The following OR56A3 variants were observed in gnomAD, a reference collection of about 807,000 sequenced individuals.
The protein encoded by OR56A3 is olfactory receptor 56A3.
OR56A3 carries 23 observed loss-of-function variants against 17.5 expected under a neutral mutation model. That is an observed-to-expected ratio of 1.32 (90% CI 0.95 to 1.87). The LOEUF (loss-of-function observed/expected upper bound fraction) is 1.87, where lower values mean the gene tolerates loss of function less well. Among genes scored for constraint, OR56A3 ranks in the 40% most tolerant of loss-of-function variants. The pLI is 0.00. For missense variants in OR56A3, 366 were observed against 380.1 expected (o/e 0.96, Z 0.31); for synonymous variants, 175 against 150.6 (o/e 1.16, Z -1.19).
At chr11:5,967,653 A>C in the OR56A3 span, 1 of 1,613,994 alleles carries the variant, frequency 6.2e-7, no homozygotes. Flanking sequence ...GTGGTGCAGG[A>C]TGTTGAGCAG....
intron 2 of OR56A3, among the ~76,000 whole-genome samples, chr11:5,946,943 T>A (rs1227289761): frequency 2.0e-5 from 3 of 152,176 alleles, no homozygotes; most frequent in Non-Finnish European, 1.5e-5. Context: ...GTAGATATGG[T>A]AGGCTATGTG....
At chr11:5,994,317 C>G in the OR56A3 span, 1 of 666,648 alleles carries the variant, frequency 1.5e-6, no homozygotes, top group African/African-American at 1.8e-5. Context: ...TGGCGGACTG[C>G]ATGTGACCAC....
the OR56A3 span, among the ~76,000 whole-genome samples, chr11:5,999,003 AT>A: frequency 6.6e-6 from 1 of 152,192 alleles, no homozygotes; most frequent in Non-Finnish European, 1.5e-5. Flanking sequence ...ATAGCCACAT[AT>A]CTTCAATGGC....
At chr11:5,982,400 CT>C in the OR56A3 span, among the ~76,000 whole-genome samples, 1 of 152,230 alleles carries the variant, frequency 6.6e-6, no homozygotes, top group South Asian at 2.1e-4. Context: ...GGTCGGGGGG[CT>C]TCTGCCAAAG....
the OR56A3 span, among the ~76,000 whole-genome samples, chr11:5,961,768 A>AG: frequency 6.6e-6 from 1 of 151,054 alleles, no homozygotes; most frequent in Non-Finnish European, 1.5e-5. Context: ...AAAAAAAAAA[A>AG]AAGAAAGCGA....
intron 1 of OR56A3, among the ~76,000 whole-genome samples, chr11:5,944,515 A>C (rs1216289552): frequency 6.6e-6 from 1 of 152,226 alleles, no homozygotes; most frequent in Non-Finnish European, 1.5e-5. Context: ...CAAATAACAT[A>C]AACATGTATG....
chr11:5,966,959 G>GA, the OR56A3 span, among the ~76,000 whole-genome samples: 2 of 146,182 alleles, frequency 1.4e-5, no homozygotes, highest in Non-Finnish European at 3.0e-5. Context: ...AAATCACTAG[G>GA]AAAAAAAACT....
chr11:5,968,188 G>T, the OR56A3 span: 2 of 1,614,230 alleles, frequency 1.2e-6, no homozygotes. Context: ...ATGAACACCT[G>T]AAGGAAGCAG....
chr11:5,955,381 G>T (rs914141459), downstream of OR56A3, among the ~76,000 whole-genome samples: 1 of 152,122 alleles, frequency 6.6e-6, no homozygotes, highest in Admixed American at 6.6e-5. Context: ...TATTAGCAGT[G>T]GAGAATCTGT....
rs774195202 is a variant in OR56A3 at position 5,947,307 on chromosome 11, C to T, written c.-36-4C>T. On this transcript the variant is annotated splice_polypyrimidine_tract_variant and splice_region_variant and intron_variant, in intron 2 of 2. Transcript: ENST00000641160. ...ACAGCTAGTTTGTAATCATAATTTT[C>T]CAGATCACTGAAAGAAAGCAGTAAA... is the stretch of plus-strand genomic sequence containing the variant. The T allele has an allele frequency of 4.7e-6, 7 of 1,500,772 alleles. No homozygotes were observed. Among genetic ancestry groups the T allele is most frequent in the Non-Finnish European group, 4.5e-6 (5 of 1,109,856 alleles). The allele number at this position is 1,500,772 out of a possible 1,614,324, so 93.0% of individuals were successfully genotyped here.
chr11:6,001,921 G>T, the OR56A3 span: 1 of 855,788 alleles, frequency 1.2e-6, no homozygotes, highest in Non-Finnish European at 1.7e-6. Context: ...CTGAGATATT[G>T]AGAACAGAAG....
intron 1 of OR56A3, among the ~76,000 whole-genome samples, chr11:5,944,335 G>A (rs1590444160): frequency 6.6e-6 from 1 of 152,292 alleles, no homozygotes; most frequent in East Asian, 1.9e-4. Context: ...ATACAAAAGG[G>A]GAATAAGGAG....
In OR56A3 at chr11:5,947,774, A is replaced by T. The variant is rs1299318322; in HGVS notation, c.428A>T (p.His143Leu). The T allele has an allele frequency of 3.7e-6, 6 of 1,614,042 alleles. No homozygotes were observed. Among genetic ancestry groups the T allele is most frequent in the Non-Finnish European group, 5.1e-6 (6 of 1,180,032 alleles). The change falls in exon 3 of 3, where the codon CAC (histidine) becomes CTC (leucine). Residue 143 changes from histidine to leucine, a missense_variant. Coordinates refer to ENST00000641160, the MANE Select transcript of OR56A3 (RefSeq NM_001003443.3). Reference protein sequence around the residue: ...PLRYPSIITDHFVVKAAMFIL... With the variant: ...PLRYPSIITDLFVVKAAMFIL... ...AGATATCCATCAATCATCACTGATC[A>T]CTTTGTAGTCAAGGCTGCCATGTTT... is the stretch of plus-strand genomic sequence containing the variant.
At chr11:5,956,502 A>G in the OR56A3 span, among the ~76,000 whole-genome samples, 1 of 152,172 alleles carries the variant, frequency 6.6e-6, no homozygotes, top group South Asian at 2.1e-4. Context: ...ATTCTGTTAT[A>G]CAAGCAATGA....
the OR56A3 span, among the ~76,000 whole-genome samples, chr11:5,957,572 T>C: frequency 9.2e-5 from 14 of 152,168 alleles, no homozygotes; most frequent in Non-Finnish European, 5.9e-5. Context: ...GGAAACTATT[T>C]AGAAAAGGAC....
the OR56A3 span, among the ~76,000 whole-genome samples, chr11:5,979,705 G>T: frequency 1.3e-5 from 2 of 151,924 alleles, no homozygotes; most frequent in Non-Finnish European, 2.9e-5. Context: ...AATTCATTCA[G>T]TTCACCTCTG....
the OR56A3 span, chr11:5,985,772 A>G: frequency 1.6e-6 from 1 of 617,746 alleles, no homozygotes; most frequent in South Asian, 2.7e-5. Flanking sequence ...ATCCAGGTAC[A>G]TCCCAATAAG....
At chr11:6,014,457 G>A in the OR56A3 span, among the ~76,000 whole-genome samples, 7 of 152,274 alleles carry the variant, frequency 4.6e-5, no homozygotes, top group South Asian at 1.2e-3. Flanking sequence ...TCTTGGTCAT[G>A]CTCCTTCCAT....
chr11:5,945,450 C>T (rs181537065), intron 2 of OR56A3, among the ~76,000 whole-genome samples: 7 of 151,936 alleles, frequency 4.6e-5, no homozygotes, highest in East Asian at 3.9e-4. Flanking sequence ...GGTGTGGTGG[C>T]GTGTGCCTGT....
Sources: gnomAD v4.1 joint callset for allele counts (sites outside exome capture counted in the v4.1 genomes callset) on GRCh38, gnomAD v4.1.1 for gene constraint, MANE v1.5 for transcripts, NCBI Gene and HGNC (gene_info 2026-07-23, HGNC 2026-07-21) for gene names.